The following WDR7 variants were observed in gnomAD, a reference collection of about 807,000 sequenced individuals.
WDR7 encodes the protein WD repeat domain 7, also known as WD repeat-containing protein 7.
WDR7 carries 46 observed loss-of-function variants against 169.4 expected under a neutral mutation model. The ratio of observed to expected loss-of-function variants is 0.27; its 90% CI spans 0.21 to 0.35. The LOEUF is 0.35. Ranked by LOEUF, WDR7 falls within the 10% of genes least tolerant of loss-of-function variation. The probability of loss-of-function intolerance (pLI) is 1.00; values close to 1 mark genes in which losing one functional copy is unlikely to be tolerated. For synonymous variants in WDR7, 612 were observed against 666.8 expected (o/e 0.92, Z 1.27); for missense variants, 1,534 against 1,859.3 (o/e 0.83, Z 3.22).
chr18:56,738,721 C>T (rs756447371), intron 14 of WDR7, among the ~76,000 whole-genome samples: 3 of 151,666 alleles, frequency 2.0e-5, no homozygotes, highest in African/African-American at 7.3e-5. Flanking sequence ...GAAATTTCGC[C>T]TCCATGATTT....
Position 56,776,806 on chromosome 18 carries a change from G to C in WDR7, c.2873G>C (p.Arg958Pro), listed in dbSNP as rs765699007. The change falls in exon 17 of 28, where the codon CGG (arginine) becomes CCG (proline). Residue 958 changes from arginine to proline, a missense_variant. Coordinates refer to ENST00000254442, the MANE Select transcript of WDR7 (RefSeq NM_015285.3). ...GTTGCTGCACCTGTCGTTTCCGCTC[G>C]GTCTGATGCTGATCACTCTGGCTCT... is the stretch of plus-strand genomic sequence containing the variant. Reference protein sequence around the residue: ...KQVAAPVVSARSDADHSGSDP... With the variant: ...KQVAAPVVSAPSDADHSGSDP... The C allele has an allele frequency of 3.2e-5, 52 of 1,613,632 alleles. No homozygotes were observed. The East Asian group carries it at 7.1e-4, about 22-fold the overall frequency.
At chr18:57,030,105 G>A (rs746284568), downstream of WDR7, 1 of 152,172 alleles carries the variant, frequency 6.6e-6, no homozygotes, top group African/African-American at 2.4e-5. Context: ...TGGATGGCAT[G>A]GGTTGGCTGC....
intron 20 of WDR7, among the ~76,000 whole-genome samples, chr18:56,869,448 C>T (rs1043838763): frequency 4.6e-5 from 7 of 152,164 alleles, no homozygotes; most frequent in Non-Finnish European, 1.0e-4. Flanking sequence ...ACAGCAGCAA[C>T]ACCAGCAGCA....
rs17062357 is a variant in WDR7 at position 56,912,454 on chromosome 18, A to G, written c.3527-11468A>G. Among the ~76,000 whole-genome samples, 398 of 152,270 alleles carry G rather than the reference A, an allele frequency of 2.6e-3. 1 individual carries two copies. Among genetic ancestry groups the G allele is most frequent in the African/African-American group, 9.3e-3 (387 of 41,556 alleles). ...CCATAGGAAATCATGGTCACAGGAG[A>G]TCTATATAATTGTGTACATTCTATA... On this transcript the variant is annotated intron_variant, in intron 21 of 27. Transcript: ENST00000254442.
At chr18:56,930,012 G>T (rs1568272270) in intron 22 of WDR7, among the ~76,000 whole-genome samples, 1 of 152,116 alleles carries the variant, frequency 6.6e-6, no homozygotes, top group Admixed American at 6.5e-5. Context: ...TCGTTCATGT[G>T]GCAGGGCCTT....
Position 56,798,827 on chromosome 18 carries a change from T to C in WDR7, c.3190+17171T>C, listed in dbSNP as rs1414432946. ...AAATAGATCTTATACATGAGACATTTGTCAAAATTTCATTTATAAACACTG... is the reference window on the plus strand; with the variant it reads ...AAATAGATCTTATACATGAGACATTCGTCAAAATTTCATTTATAAACACTG... On this transcript the variant is annotated intron_variant, in intron 19 of 27. Transcript: ENST00000254442. Among the ~76,000 whole-genome samples the C allele has an allele frequency of 2.0e-5, 3 of 152,208 alleles. No homozygotes were observed. In the East Asian group the frequency reaches 5.8e-4, roughly 29 times the overall value.
At chr18:56,810,926 T>A (rs1242589207) in intron 19 of WDR7, among the ~76,000 whole-genome samples, 1 of 152,110 alleles carries the variant, frequency 6.6e-6, no homozygotes, top group East Asian at 1.9e-4. Context: ...TCAGCCCCCA[T>A]TAGCATTACT....
intron 14 of WDR7, among the ~76,000 whole-genome samples, chr18:56,753,851 T>C (rs1385048237): frequency 6.6e-6 from 1 of 152,032 alleles, no homozygotes; most frequent in Non-Finnish European, 1.5e-5. Context: ...TGTCAGACTG[T>C]AATGGACCTT....
intron 19 of WDR7, among the ~76,000 whole-genome samples, chr18:56,809,664 A>G (rs1220109834): frequency 6.6e-6 from 1 of 152,060 alleles, no homozygotes; most frequent in Admixed American, 6.6e-5. Context: ...AGCTTTTTGT[A>G]GCAGGGAGAA....
At chr18:56,669,087 G>A (rs1489812515) in intron 1 of WDR7, among the ~76,000 whole-genome samples, 1 of 151,990 alleles carries the variant, frequency 6.6e-6, no homozygotes, top group Non-Finnish European at 1.5e-5. Context: ...ACATAGAAGG[G>A]CCAGGATTTG....
At chr18:56,985,095 T>G (rs2047695506) in intron 26 of WDR7, among the ~76,000 whole-genome samples, 1 of 152,184 alleles carries the variant, frequency 6.6e-6, no homozygotes, top group Non-Finnish European at 1.5e-5. Flanking sequence ...GATTCAGCCT[T>G]AGAACACCAC....
intron 2 of WDR7, among the ~76,000 whole-genome samples, chr18:56,678,537 C>G (rs2025290163): frequency 6.6e-6 from 1 of 152,026 alleles, no homozygotes; most frequent in Non-Finnish European, 1.5e-5. Flanking sequence ...CACTCTGTCC[C>G]CCAAGCTGGA....
At position 56,820,305 on chromosome 18, in the gene WDR7, A is replaced by G. The variant is rs184127075; in HGVS notation, c.3304+4161A>G. 2.0e-3 allele frequency among the ~76,000 whole-genome samples: 277 copies of G among 138,218 alleles called. 2 individuals carry two copies. Among genetic ancestry groups the G allele is most frequent in the African/African-American group, 7.0e-3 (262 of 37,186 alleles). The allele number at this position is 138,218 out of a possible 152,430, so 90.7% of individuals were successfully genotyped here. A position where few individuals can be genotyped will look rare whatever the true frequency, so the allele number is the denominator to read the frequency against. The stretch of plus-strand genomic sequence containing the variant: ...CAGCAAGGACACAAACTGACCAAAA[A>G]CGATGATAAAGGGTCAAGAGTCACT... On this transcript the variant is annotated intron_variant, in intron 20 of 27. Transcript: ENST00000254442.
intron 25 of WDR7, among the ~76,000 whole-genome samples, chr18:56,954,818 A>T (rs1260351033): frequency 6.6e-6 from 1 of 152,208 alleles, no homozygotes; most frequent in Non-Finnish European, 1.5e-5. Context: ...AAGGTAAAAT[A>T]AGTGTTTAAA....
At chr18:56,669,534 C>T (rs1371630467) in intron 1 of WDR7, among the ~76,000 whole-genome samples, 1 of 151,896 alleles carries the variant, frequency 6.6e-6, no homozygotes, top group African/African-American at 2.4e-5. Context: ...CTCAATGTTC[C>T]TAATATTATT....
chr18:56,968,465 G>A (rs1394445177), intron 26 of WDR7, among the ~76,000 whole-genome samples: 1 of 152,132 alleles, frequency 6.6e-6, no homozygotes, highest in Non-Finnish European at 1.5e-5. Flanking sequence ...AGAGAGAATA[G>A]GATATCTTTT....
At chr18:56,846,189 G>A (rs1317711112) in intron 20 of WDR7, among the ~76,000 whole-genome samples, 1 of 152,134 alleles carries the variant, frequency 6.6e-6, no homozygotes, top group Non-Finnish European at 1.5e-5. Flanking sequence ...ATCTCATGTT[G>A]AAATGTGACC....
At chr18:56,662,180 C>G (rs1156850395) in intron 1 of WDR7, among the ~76,000 whole-genome samples, 1 of 152,190 alleles carries the variant, frequency 6.6e-6, no homozygotes, top group Non-Finnish European at 1.5e-5. Context: ...GTCTGCAAGT[C>G]ACAGGGGGCC....
Position 56,938,817 on chromosome 18 carries a change from G to A in WDR7, c.3981+135G>A, listed in dbSNP as rs2046995466. ...TGAGAGAGAAAGAATGAGTGTGTGT[G>A]TGTGTGTGTGTGTGTGTGTGTGTGT... On this transcript the variant is annotated intron_variant, in intron 24 of 27. Transcript: ENST00000254442. The A allele has an allele frequency of 3.2e-5, 26 of 814,886 alleles. No homozygotes were observed. In the South Asian group the frequency reaches 3.2e-4, roughly 10 times the overall value. The allele number at this position is 814,886 out of a possible 1,614,324, so 50.5% of individuals were successfully genotyped here.
Sources: allele counts gnomAD v4.1 joint callset (sites outside exome capture counted in the v4.1 genomes callset), GRCh38; gene constraint gnomAD v4.1.1; transcripts MANE v1.5; gene names NCBI Gene and HGNC (gene_info 2026-07-23, HGNC 2026-07-21).